The following RIPOR2 variants were observed in gnomAD, a reference collection of about 807,000 sequenced individuals.
The protein encoded by RIPOR2 is RHO family interacting cell polarization regulator 2.
Under a neutral mutation model 114.5 loss-of-function variants are expected in RIPOR2, and 39 were observed. The observed-to-expected ratio is 0.34, with a 90% CI of 0.26 to 0.44. RIPOR2 has a LOEUF of 0.44. Ranked by LOEUF, RIPOR2 falls within the 20% of genes least tolerant of loss-of-function variation. The pLI is 1.00. For synonymous variants in RIPOR2, 445 were observed against 484.4 expected (o/e 0.92, Z 1.07); for missense variants, 1,007 against 1,255.1 (o/e 0.80, Z 2.99).
At chr6:24,861,517 G>T (rs954873631) in intron 7 of RIPOR2, among the ~76,000 whole-genome samples, 2 of 152,176 alleles carry the variant, frequency 1.3e-5, no homozygotes, top group Non-Finnish European at 2.9e-5. Flanking sequence ...TCTATGGGAT[G>T]ATTGTCAATT....
At chr6:24,828,802 A>G (rs1460081598) in intron 17 of RIPOR2, among the ~76,000 whole-genome samples, 3 of 151,736 alleles carry the variant, frequency 2.0e-5, no homozygotes, top group Admixed American at 2.0e-4. Context: ...GGAAAGAAGG[A>G]AGGAAGAATG....
Position 24,843,215 on chromosome 6 carries a change from A to G in RIPOR2, c.1504T>C (p.Ser502Pro). The G allele has an allele frequency of 6.2e-7, 1 of 1,613,928 alleles. No homozygotes were observed. Among genetic ancestry groups the G allele is most frequent in the Non-Finnish European group, 8.5e-7 (1 of 1,179,872 alleles). ...AGGTGCTCAGCCCCAGCACCTGAGG[A>G]CTGTCGGCGGCAAGCCTCAGATGGG... ...SAPSEACRRQ[S>P]SGAGAEHLFL... Residue 502 changes from serine (S) to proline (P), a missense_variant, in exon 13 of 22, where the codon TCC becomes CCC. Coordinates refer to ENST00000643898, the MANE Select transcript of RIPOR2 (RefSeq NM_001286445.3).
chr6:24,997,958 C>T (rs1460086704), intron 1 of RIPOR2, among the ~76,000 whole-genome samples: 1 of 152,086 alleles, frequency 6.6e-6, no homozygotes, highest in East Asian at 1.9e-4. Flanking sequence ...GTTTCAGGGC[C>T]ACTAACTAAA....
rs1777293428 is a variant in RIPOR2, at chr6:25,037,315, A to G, written c.76+4536T>C. On this transcript the variant is annotated intron_variant, in intron 1 of 13. Coordinates refer to the RIPOR2 transcript ENST00000510784. The surrounding 1 kb of genome is among the most constrained non-coding windows in gnomAD (Gnocchi z 4.5). ...TTCTTTCCTTTAATCGCCCACCCCA[A>G]CTGTGGCAGACTAAAGGAAAGAAAG... Among the ~76,000 whole-genome samples the G allele has an allele frequency of 6.6e-6, 1 of 152,146 alleles. No individual in the cohort carries two copies. The highest frequency in any genetic ancestry group is 2.4e-5 in the African/African-American group (1 of 41,440).
chr6:25,002,987 C>T (rs139891932), intron 1 of RIPOR2, among the ~76,000 whole-genome samples: 10 of 152,246 alleles, frequency 6.6e-5, no homozygotes, highest in African/African-American at 1.9e-4. Flanking sequence ...GCAGCTCCTG[C>T]GAATATTTCT....
At chr6:24,865,583 T>C (rs1764523222) in intron 6 of RIPOR2, 133 bp from the exon 7 acceptor site, 1 of 711,884 alleles carries the variant, frequency 1.4e-6, no homozygotes, top group Non-Finnish European at 2.1e-6. Flanking sequence ...ATTATCCTTT[T>C]AGATAGGGAC....
At chr6:24,983,469 C>T (rs1406230296) in intron 1 of RIPOR2, among the ~76,000 whole-genome samples, 1 of 152,036 alleles carries the variant, frequency 6.6e-6, no homozygotes, top group African/African-American at 2.4e-5. Context: ...AATATTAAAG[C>T]CCTGAGGCCA....
At chr6:24,992,067 G>C (rs1265943063) in intron 1 of RIPOR2, among the ~76,000 whole-genome samples, 2 of 152,184 alleles carry the variant, frequency 1.3e-5, no homozygotes, top group Admixed American at 6.5e-5. Context: ...CACTCCACCT[G>C]GTGGTCAGAG....
chr6:24,827,161 G>T (rs1760261440), intron 18 of RIPOR2, among the ~76,000 whole-genome samples: 1 of 152,104 alleles, frequency 6.6e-6, no homozygotes, highest in African/African-American at 2.4e-5. Flanking sequence ...TATAAAATAA[G>T]ACTTTGTGGT....
intron 1 of RIPOR2, among the ~76,000 whole-genome samples, chr6:24,906,098 C>G (rs892458268): frequency 2.6e-5 from 4 of 151,354 alleles, no homozygotes; most frequent in Non-Finnish European, 5.9e-5. Flanking sequence ...GTTCTAGTAT[C>G]ATCATCATTA....
chr6:25,002,508 G>A (rs746253483), intron 1 of RIPOR2, among the ~76,000 whole-genome samples: 10 of 152,186 alleles, frequency 6.6e-5, no homozygotes, highest in Non-Finnish European at 1.3e-4. Context: ...TTCAGTGAAC[G>A]CTCAAGAAGT....
chr6:24,841,230 A>G (rs1761683206), intron 13 of RIPOR2, among the ~76,000 whole-genome samples: 1 of 152,228 alleles, frequency 6.6e-6, no homozygotes, highest in African/African-American at 2.4e-5. Context: ...GATGGCATCA[A>G]TTTGTGTCTT....
At chr6:24,854,126 A>C (rs1763215212) in intron 8 of RIPOR2, among the ~76,000 whole-genome samples, 1 of 140,386 alleles carries the variant, frequency 7.1e-6, no homozygotes, top group African/African-American at 2.8e-5. Flanking sequence ...CTGAAAAAGA[A>C]AAAAAAAAAA....
At chr6:25,033,179 G>A (rs961706107) in intron 1 of RIPOR2, among the ~76,000 whole-genome samples, 2 of 150,238 alleles carry the variant, frequency 1.3e-5, no homozygotes, top group African/African-American at 2.5e-5. Context: ...GGCGCCACAC[G>A]CCTGGGTGAC....
intron 1 of RIPOR2, among the ~76,000 whole-genome samples, chr6:24,918,161 C>T (rs903246256): frequency 6.6e-6 from 1 of 152,226 alleles, no homozygotes; most frequent in Non-Finnish European, 1.5e-5. Flanking sequence ...TCCCTGGCTC[C>T]TCCCTATGAG....
At chr6:24,964,809 G>C (rs1401702702) in intron 1 of RIPOR2, among the ~76,000 whole-genome samples, 1 of 152,172 alleles carries the variant, frequency 6.6e-6, no homozygotes, top group African/African-American at 2.4e-5. Flanking sequence ...GGTATTGTCA[G>C]TATTTTTTAT....
intron 1 of RIPOR2, among the ~76,000 whole-genome samples, chr6:24,906,721 T>G (rs1769034003): frequency 6.6e-6 from 1 of 152,148 alleles, no homozygotes; most frequent in Non-Finnish European, 1.5e-5. Context: ...ACTGCAGCCT[T>G]GACCTTCCAG....
intron 1 of RIPOR2, among the ~76,000 whole-genome samples, chr6:24,983,463 T>C (rs1193083969): frequency 6.6e-6 from 1 of 152,050 alleles, no homozygotes; most frequent in Non-Finnish European, 1.5e-5. Flanking sequence ...TCCCTTAATA[T>C]TAAAGCCCTG....
At chr6:25,041,917 G>A (rs749797182) in exon 1 of RIPOR2, 2 of 702,826 alleles carry the variant, frequency 2.8e-6, no homozygotes, top group South Asian at 1.5e-5. Flanking sequence ...AATCGCGAAG[G>A]TAACACCATG....
Sources: allele counts gnomAD v4.1 joint callset (sites outside exome capture counted in the v4.1 genomes callset), GRCh38; gene constraint gnomAD v4.1.1; non-coding constraint Gnocchi (gnomAD v3.1); transcripts MANE v1.5; gene names NCBI Gene and HGNC (gene_info 2026-07-23, HGNC 2026-07-21).